Variants in EP400 observed in about 807,000 individuals in gnomAD.
EP400 encodes E1A binding protein p400.
Under a neutral mutation model 354.1 loss-of-function variants are expected in EP400, and 105 were observed. That is an observed-to-expected ratio of 0.30 (90% confidence interval 0.25 to 0.35). The LOEUF is 0.35. Among genes scored for constraint, EP400 ranks in the 10% least tolerant of loss-of-function variants. The pLI is 1.00. For synonymous variants in EP400, 1,646 were observed against 1,716.9 expected (o/e 0.96, Z 1.02); for missense variants, 3,280 against 4,121.0 (o/e 0.80, Z 5.59).
intron 2 of EP400, among the ~76,000 whole-genome samples, chr12:131,965,863 C>T (rs549615136): frequency 6.6e-6 from 1 of 152,160 alleles, no homozygotes; most frequent in East Asian, 1.9e-4. Context: ...TCCATTTACC[C>T]TTTAAAGAAT....
intron 2 of EP400, among the ~76,000 whole-genome samples, chr12:131,975,266 G>A (rs1364889528): frequency 6.6e-6 from 1 of 152,172 alleles, no homozygotes; most frequent in Non-Finnish European, 1.5e-5. Flanking sequence ...TCATTTTAAT[G>A]AAGTCCAGTT....
At chr12:132,004,408 A>G (rs1893514133) in intron 12 of EP400, among the ~76,000 whole-genome samples, 1 of 151,972 alleles carries the variant, frequency 6.6e-6, no homozygotes, top group Non-Finnish European at 1.5e-5. Context: ...ATTTTTTTTT[A>G]AGCAATTAGG....
At chr12:132,016,079 G>A (rs1464138126) in intron 19 of EP400, among the ~76,000 whole-genome samples, 1 of 152,192 alleles carries the variant, frequency 6.6e-6, no homozygotes, top group Non-Finnish European at 1.5e-5. Context: ...TGGGCTTTAA[G>A]CTCCATCCCT....
rs777201969 is a variant in EP400 at position 132,050,412 on chromosome 12, C to G, written c.7290C>G (p.Asp2430Glu). ...THTQLYTSHF[D>E]LMKMTAGKRS... ...CCCAGCTGTACACGAGCCACTTTGA[C>G]TTAATGAAAATGACTGCTGGCAAGA... is the stretch of plus-strand genomic sequence containing the variant. Residue 2430 changes from aspartate (D) to glutamate (E), a missense_variant, in exon 40 of 53, where the codon GAC becomes GAG. Asp to Glu is a conservative substitution (Grantham distance 45, BLOSUM62 2). This residue lies in a region of EP400 where 84 missense variants were observed against 133.0 expected (regional missense o/e 0.63). Transcript: ENST00000389561. The surrounding 1 kb of genome is among the most constrained non-coding windows in gnomAD (Gnocchi z 4.8). 1.2e-6 allele frequency: 2 copies of G among 1,614,184 alleles called. No individual in the cohort carries two copies. Among genetic ancestry groups the G allele is most frequent in the South Asian group, 1.1e-5 (1 of 91,088 alleles).
chr12:131,972,801 G>A (rs528662379), intron 2 of EP400, among the ~76,000 whole-genome samples: 1 of 136,936 alleles, frequency 7.3e-6, no homozygotes, highest in Non-Finnish European at 1.5e-5. Context: ...GCGCGATCTC[G>A]ACTCACTACA....
intron 51 of EP400, chr12:132,076,188 GCT>G (rs1437059620): frequency 9.8e-6 from 4 of 406,712 alleles, no homozygotes; most frequent in Non-Finnish European, 1.9e-5. Context: ...CTCACAAGAC[GCT>G]CAAATACTTA....
intron 19 of EP400, among the ~76,000 whole-genome samples, chr12:132,016,118 T>A (rs1893924379): frequency 6.6e-6 from 1 of 152,222 alleles, no homozygotes; most frequent in Non-Finnish European, 1.5e-5. Flanking sequence ...GTCTCAGCCA[T>A]TCTTTTTGAA....
At chr12:131,952,558 A>C (rs982304948) in intron 1 of EP400, among the ~76,000 whole-genome samples, 28 of 151,954 alleles carry the variant, frequency 1.8e-4, no homozygotes, top group Admixed American at 1.6e-3. Context: ...TGACTTCTTG[A>C]GCTCAAGTGA....
At chr12:132,057,314 A>C (rs926782967) in intron 45 of EP400, among the ~76,000 whole-genome samples, 1 of 152,272 alleles carries the variant, frequency 6.6e-6, no homozygotes, top group African/African-American at 2.4e-5. Flanking sequence ...CATACAGCCC[A>C]GTCCTACCAA....
chr12:132,022,634 A>AG lies in EP400; in HGVS notation c.4691-1142dup, dbSNP rs777589014. On this transcript the variant is annotated intron_variant, in intron 23 of 52. Coordinates refer to ENST00000389561, the MANE Select transcript of EP400 (RefSeq NM_015409.5). ...ATCTGAGTTATGTTTTTTCAAAAAA[A>AG]GTGTTTTAAGCAACGCTAAGTTTTA... is the stretch of plus-strand genomic sequence containing the variant. 5.3e-5 allele frequency among the ~76,000 whole-genome samples: 8 copies of AG among 152,044 alleles called. No homozygotes were observed. In the East Asian group the frequency reaches 7.7e-4, roughly 15 times the overall value.
At position 132,021,185 on chromosome 12, in the gene EP400, G is replaced by C. The variant is rs1894110854; in HGVS notation, c.4554G>C (p.Leu1518=). The change falls in exon 23 of 53, where the codon CTG becomes CTC. Residue 1518 remains leucine, a synonymous_variant. Transcript: ENST00000389561. ...CTAGCCCGGCCCATCCTGCGAAACTGCGGGCCCAGACCACAGCACAGGCCT... is the reference window on the plus strand; with the variant it reads ...CTAGCCCGGCCCATCCTGCGAAACTCCGGGCCCAGACCACAGCACAGGCCT... ...TAASPAHPAK[L]RAQTTAQAST... is the part of the protein sequence containing the mutation. The C allele has an allele frequency of 6.2e-7, 1 of 1,600,916 alleles. No homozygotes were observed. The highest frequency in any genetic ancestry group is 8.5e-7 in the Non-Finnish European group (1 of 1,179,638).
At chr12:131,963,665 TGTA>T in intron 2 of EP400, 1 of 1,568,822 alleles carries the variant, frequency 6.4e-7, no homozygotes, top group Non-Finnish European at 8.6e-7. Flanking sequence ...GGTTCTCAAA[TGTA>T]GTCTCATCCC....
Position 132,044,218 on chromosome 12 carries a change from C to G in EP400, c.6492C>G (p.Asn2164Lys). ...CAGTGAGGGCATGGGAGTTCTGGAACCTGAAGACCCTGCAGGAGAGGGAGG... is the reference window on the plus strand; with the variant it reads ...CAGTGAGGGCATGGGAGTTCTGGAAGCTGAAGACCCTGCAGGAGAGGGAGG... ...MTAVRAWEFW[N>K]LKTLQEREAR... Residue 2164 changes from asparagine to lysine, a missense_variant, in exon 35 of 53, where the codon AAC (asparagine) becomes AAG (lysine). Physicochemically the swap from Asn to Lys is moderately conservative, Grantham distance 94. This residue lies in a region of EP400 where 231 missense variants were observed against 257.9 expected (regional missense o/e 0.90). Transcript: ENST00000389561. 1 of 1,614,210 alleles carries G rather than the reference C, an allele frequency of 6.2e-7. No individual in the cohort carries two copies. The highest frequency in any genetic ancestry group is 2.2e-5 in the East Asian group (1 of 44,880).
Position 131,982,468 on chromosome 12 carries a change from C to G in EP400, c.1919C>G (p.Ser640Cys), listed in dbSNP as rs1195238055. 2 of 1,603,714 alleles carry G rather than the reference C, an allele frequency of 1.2e-6. No homozygotes were observed. Among genetic ancestry groups the G allele is most frequent in the African/African-American group, 2.7e-5 (2 of 74,642 alleles). Residue 640 changes from serine (S) to cysteine (C), a missense_variant, in exon 5 of 53, where the codon TCC becomes TGC. This residue lies in a region of EP400 where 800 missense variants were observed against 840.0 expected (regional missense o/e 0.95). Coordinates refer to ENST00000389561, the MANE Select transcript of EP400 (RefSeq NM_015409.5). ...CAGGTGCAGGCCTCTCAGCTTTCCT[C>G]CCTGCCACAGGTATGAGAAAAGATA... Reference protein sequence around the residue: ...KVQVQASQLSSLPQMVASTRL... With the variant: ...KVQVQASQLSCLPQMVASTRL...
chr12:132,055,006 G>A lies in EP400; in HGVS notation c.7761G>A (p.Thr2587=), dbSNP rs531269873. The A allele has an allele frequency of 1.4e-5, 22 of 1,613,834 alleles. 1 individual carries two copies. The highest frequency in any genetic ancestry group is 1.7e-4 in the Middle Eastern group (1 of 6,056). Residue 2587 remains threonine (T), a synonymous_variant, in exon 44 of 53, where the codon ACG becomes ACA. Transcript: ENST00000389561. Reference sequence around the variant, plus strand: ...CCATTAAAACATCAGTTACTGGGACGAGCATGCCCACTGGTAAGACAAATA... The same window carrying A: ...CCATTAAAACATCAGTTACTGGGACAAGCATGCCCACTGGTAAGACAAATA... ...AGTIKTSVTG[T]SMPTGAVSGN... is the part of the protein sequence containing the mutation.
rs769042785 is a variant in EP400, at chr12:132,053,241, C to T, written c.7473+17C>T. 48 of 1,613,062 alleles carry T rather than the reference C, an allele frequency of 3.0e-5. No homozygotes were observed. The highest frequency in any genetic ancestry group is 4.1e-5 in the Non-Finnish European group (48 of 1,179,968). On this transcript the variant is annotated intron_variant, in intron 42 of 52. Coordinates refer to ENST00000389561, the MANE Select transcript of EP400 (RefSeq NM_015409.5). ...GAGAAAAAGGTCAGCGCCCTGGGCCCTTCTGCTTGAGTGGGAAAATGTGGT... is the reference window on the plus strand; with the variant it reads ...GAGAAAAAGGTCAGCGCCCTGGGCCTTTCTGCTTGAGTGGGAAAATGTGGT...
In EP400 at chr12:132,062,002, C is replaced by G. The variant is rs1593382906; in HGVS notation, c.7885-108C>G. The G allele has an allele frequency of 8.8e-6, 8 of 906,640 alleles. No homozygotes were observed. In the South Asian group the frequency reaches 1.2e-4, roughly 14 times the overall value. The allele number at this position is 906,640 out of a possible 1,614,324, so 56.2% of individuals were successfully genotyped here. A position where few individuals can be genotyped will look rare whatever the true frequency, so the allele number is the denominator to read the frequency against. ...AGACTGAACTCTAGCGTGTGTTTCA[C>G]TTGTTTCGCCTCTGAAGTTGGGTGC... On this transcript the variant is annotated intron_variant, in intron 45 of 52. Coordinates refer to ENST00000389561, the MANE Select transcript of EP400 (RefSeq NM_015409.5).
intron 5 of EP400, among the ~76,000 whole-genome samples, chr12:131,983,543 A>G (rs1892752706): frequency 6.6e-6 from 1 of 152,230 alleles, no homozygotes; most frequent in South Asian, 2.1e-4. Flanking sequence ...GAGGCCGGGG[A>G]GGACTCTCAG....
At chr12:131,965,026 C>T (rs1251684223) in intron 2 of EP400, among the ~76,000 whole-genome samples, 2 of 152,194 alleles carry the variant, frequency 1.3e-5, no homozygotes, top group East Asian at 1.9e-4. Flanking sequence ...AAGTACAGAC[C>T]AATTATTTTG....
Sources: gnomAD v4.1 joint callset for allele counts (sites outside exome capture counted in the v4.1 genomes callset) on GRCh38, gnomAD v4.1.1 for gene constraint, gnomAD v4.1.1 regional missense constraint, Gnocchi (gnomAD v3.1) non-coding constraint, MANE v1.5 for transcripts, NCBI Gene and HGNC (gene_info 2026-07-23, HGNC 2026-07-21) for gene names.